Variants in ZDHHC15 observed in about 807,000 individuals in gnomAD.
The protein encoded by ZDHHC15 is zDHHC palmitoyltransferase 15.
A neutral mutation model predicts 31.7 loss-of-function variants in ZDHHC15; 19 were observed. That is an observed-to-expected ratio of 0.60 (90% CI 0.42 to 0.88). ZDHHC15 has a LOEUF of 0.88. ZDHHC15 is among the 40% of genes least tolerant of loss of function. The probability of loss-of-function intolerance (pLI) is 0.00; values close to 1 mark genes in which losing one functional copy is unlikely to be tolerated. For synonymous variants in ZDHHC15, 103 were observed against 90.0 expected (o/e 1.14, Z -0.82); for missense variants, 209 against 251.2 (o/e 0.83, Z 1.14).
chrX:75,418,601 C>G (rs189155817), intron 9 of ZDHHC15, among the ~76,000 whole-genome samples: 69 of 112,017 alleles, frequency 6.2e-4, no homozygotes, highest in Admixed American at 1.8e-3. Flanking sequence ...TAGCATGGTA[C>G]TGATATGAAG....
chrX:75,406,194 C>G (rs1035386826), intron 10 of ZDHHC15, among the ~76,000 whole-genome samples: 4 of 110,579 alleles, frequency 3.6e-5, no homozygotes, highest in African/African-American at 1.3e-4. Flanking sequence ...CTATAGGACA[C>G]AGCAAAGCAG....
intron 10 of ZDHHC15, among the ~76,000 whole-genome samples, chrX:75,379,705 C>G (rs1019077807): frequency 3.6e-5 from 4 of 112,196 alleles, no homozygotes; most frequent in African/African-American, 1.3e-4. Context: ...TGGGAGAGCA[C>G]ACTCTGAATC....
At chrX:75,482,976 CATG>C (rs1254920674) in intron 2 of ZDHHC15, among the ~76,000 whole-genome samples, 4 of 102,378 alleles carry the variant, frequency 3.9e-5, no homozygotes, top group Non-Finnish European at 7.8e-5. Flanking sequence ...TATATGATCA[CATG>C]TATGTATATG....
chrX:75,519,289 C>G (rs778853805), intron 1 of ZDHHC15, among the ~76,000 whole-genome samples: 1 of 111,841 alleles, frequency 8.9e-6, no homozygotes, highest in East Asian at 2.8e-4. Context: ...CAGGAAGAAT[C>G]CTTTATTTCT....
At chrX:75,465,924 G>A (rs973195797) in intron 3 of ZDHHC15, among the ~76,000 whole-genome samples, 52 of 111,546 alleles carry the variant, frequency 4.7e-4, no homozygotes, top group Admixed American at 4.2e-3. Context: ...AAAAGCAATT[G>A]CATCAAAAGA....
At chrX:75,491,034 T>G (rs1273945657) in intron 2 of ZDHHC15, among the ~76,000 whole-genome samples, 2 of 111,753 alleles carry the variant, frequency 1.8e-5, no homozygotes, top group Non-Finnish European at 3.8e-5. Flanking sequence ...GGTGGGACTG[T>G]AAACTAGTTC....
intron 5 of ZDHHC15, among the ~76,000 whole-genome samples, chrX:75,430,447 CA>C (rs2083766823): frequency 9.1e-6 from 1 of 110,475 alleles, no homozygotes; most frequent in Admixed American, 9.7e-5. Context: ...ATTTGGGCAA[CA>C]AAAAAGTAGT....
At chrX:75,373,166 A>G (rs1237028530) in intron 11 of ZDHHC15, among the ~76,000 whole-genome samples, 3 of 111,936 alleles carry the variant, frequency 2.7e-5, no homozygotes, top group African/African-American at 9.7e-5. Flanking sequence ...GACTGAGGAA[A>G]TACACTGAAC....
chrX:75,495,433 A>G (rs958606161), intron 2 of ZDHHC15, among the ~76,000 whole-genome samples: 1 of 111,382 alleles, frequency 9.0e-6, no homozygotes, highest in African/African-American at 3.3e-5. Flanking sequence ...ATTACTGGGT[A>G]TATACCCACA....
At chrX:75,385,599 G>A (rs1181542587) in intron 10 of ZDHHC15, among the ~76,000 whole-genome samples, 1 of 111,511 alleles carries the variant, frequency 9.0e-6, no homozygotes, top group African/African-American at 3.3e-5. Flanking sequence ...ATTTTAATGA[G>A]TTCCCATCTA....
intron 3 of ZDHHC15, among the ~76,000 whole-genome samples, chrX:75,462,558 A>C (rs1191404756): frequency 8.9e-6 from 1 of 112,343 alleles, no homozygotes; most frequent in East Asian, 2.8e-4. Flanking sequence ...ATAAGAACTG[A>C]AATCATAACA....
intron 10 of ZDHHC15, among the ~76,000 whole-genome samples, chrX:75,392,778 C>T (rs1003949672): frequency 9.0e-6 from 1 of 111,656 alleles, no homozygotes; most frequent in African/African-American, 3.3e-5. Context: ...TAGGCATAAA[C>T]ATTTTTTTTA....
intron 1 of ZDHHC15, 121 bp downstream of exon 1, chrX:75,522,768 G>A: frequency 1.0e-6 from 1 of 969,634 alleles, no homozygotes; most frequent in Non-Finnish European, 1.4e-6. Context: ...GAACTCTCCA[G>A]GGAGAGAAAG....
chrX:75,379,167 C>A lies in ZDHHC15; in HGVS notation c.999G>T (p.Val333=). ...GTGAAAACTGCTATGTTTCCGTTTC[C>A]ACAGCAAGAGATGATGAGCCTTCTG... is the stretch of plus-strand genomic sequence containing the variant. ...DYPEGSSSLA[V]ETET Residue 333 remains valine (V), a synonymous_variant, in exon 11 of 12, where the codon GTG becomes GTT. Transcript: ENST00000373367. The A allele has an allele frequency of 8.3e-7, 1 of 1,211,024 alleles. No individual in the cohort carries two copies. Among genetic ancestry groups the A allele is most frequent in the South Asian group, 1.8e-5 (1 of 56,940 alleles).
intron 5 of ZDHHC15, among the ~76,000 whole-genome samples, 191 bp from the exon 6 acceptor site, chrX:75,430,171 T>C (rs1414993820): frequency 8.9e-6 from 1 of 111,822 alleles, no homozygotes; most frequent in Non-Finnish European, 1.9e-5. Flanking sequence ...AACAACACTT[T>C]ATAGGATCAT....
intron 2 of ZDHHC15, among the ~76,000 whole-genome samples, chrX:75,482,538 A>T (rs1213500832): frequency 9.0e-6 from 1 of 111,633 alleles, no homozygotes; most frequent in Non-Finnish European, 1.9e-5. Flanking sequence ...TCTACTACTC[A>T]TCAATTTACA....
At chrX:75,414,586 C>A (rs908394039) in intron 10 of ZDHHC15, among the ~76,000 whole-genome samples, 2 of 80,360 alleles carry the variant, frequency 2.5e-5, no homozygotes, top group African/African-American at 4.3e-5. Flanking sequence ...CCCGCAACCA[C>A]GTCTGGCTAT....
intron 2 of ZDHHC15, among the ~76,000 whole-genome samples, chrX:75,491,762 G>C (rs1258213243): frequency 9.0e-6 from 1 of 110,956 alleles, no homozygotes; most frequent in Non-Finnish European, 1.9e-5. Context: ...GTCACCACCA[G>C]GCCTGCCCTA....
intron 4 of ZDHHC15, among the ~76,000 whole-genome samples, chrX:75,440,529 C>T (rs1183092867): frequency 4.5e-5 from 5 of 112,321 alleles, no homozygotes; most frequent in African/African-American, 1.6e-4. Context: ...TCTGCCTGCC[C>T]CGGCCTCCCG....
Sources: allele counts gnomAD v4.1 joint callset (sites outside exome capture counted in the v4.1 genomes callset), GRCh38; gene constraint gnomAD v4.1.1; transcripts MANE v1.5; gene names NCBI Gene and HGNC (gene_info 2026-07-23, HGNC 2026-07-21).